PRKN: variants seen among roughly 807,000 people sequenced by gnomAD.
PRKN encodes the protein E3 ubiquitin-protein ligase parkin.
In PRKN, 56 loss-of-function variants were observed where a neutral mutation model predicts 59.5. The ratio of observed to expected loss-of-function variants is 0.94; its 90% CI spans 0.76 to 1.18. The LOEUF is 1.18. Among genes scored for constraint, PRKN ranks in the 50% most tolerant of loss-of-function variants. The probability of loss-of-function intolerance (pLI) is 0.00; values close to 1 mark genes in which losing one functional copy is unlikely to be tolerated. For synonymous variants in PRKN, 250 were observed against 222.1 expected (o/e 1.13, Z -1.12); for missense variants, 657 against 596.4 (o/e 1.10, Z -1.06).
At chr6:161,714,014 T>C (rs1485980666) in intron 7 of PRKN, among the ~76,000 whole-genome samples, 1 of 152,206 alleles carries the variant, frequency 6.6e-6, no homozygotes, top group Non-Finnish European at 1.5e-5. Context: ...CCCAGCCATG[T>C]GGAACTGTCA....
intron 5 of PRKN, among the ~76,000 whole-genome samples, chr6:162,048,480 G>A (rs12211530): frequency 6.6e-6 from 1 of 151,664 alleles, no homozygotes; most frequent in African/African-American, 2.4e-5. Flanking sequence ...TCAGTGTTAC[G>A]AGTTAGGATT....
intron 6 of PRKN, among the ~76,000 whole-genome samples, chr6:161,811,471 G>A (rs1369105326): frequency 6.6e-6 from 1 of 152,152 alleles, no homozygotes; most frequent in African/African-American, 2.4e-5. Context: ...TAGCTCAACG[G>A]GAGAGGGCTG....
chr6:162,390,974 T>C (rs531497644), intron 2 of PRKN, among the ~76,000 whole-genome samples: 10 of 152,328 alleles, frequency 6.6e-5, no homozygotes, highest in Non-Finnish European at 1.3e-4. Context: ...CACAGGCACC[T>C]TCTTTTAATT....
rs1028503439 is a variant in PRKN at position 161,459,227 on chromosome 6, G to C, written c.1084-72350C>G. Among the ~76,000 whole-genome samples the C allele has an allele frequency of 6.6e-6, 1 of 152,166 alleles. No individual in the cohort carries two copies. The highest frequency in any genetic ancestry group is 2.4e-5 in the African/African-American group (1 of 41,444). On this transcript the variant is annotated intron_variant, in intron 9 of 11. Transcript: ENST00000366898. This position sits in a 1 kb window ranked among gnomAD's most constrained non-coding sequence, Gnocchi z 4.8. ...TTACAGTGGAAACCTGATCGAACTT[G>C]ACAGTCAGTGTGTTTGTGGGCTTCT... is the stretch of plus-strand genomic sequence containing the variant.
At chr6:162,677,925 C>T (rs1032197541) in intron 1 of PRKN, among the ~76,000 whole-genome samples, 1 of 152,094 alleles carries the variant, frequency 6.6e-6, no homozygotes, top group Admixed American at 6.6e-5. Context: ...TACATCACCC[C>T]CAGTAGATTC....
At chr6:162,452,134 G>T (rs1292713712) in intron 1 of PRKN, among the ~76,000 whole-genome samples, 1 of 152,122 alleles carries the variant, frequency 6.6e-6, no homozygotes, top group Admixed American at 6.5e-5. Flanking sequence ...TGTCAATGCA[G>T]AAGTTTATAT....
intron 4 of PRKN, among the ~76,000 whole-genome samples, chr6:162,109,406 C>T (rs1012655887): frequency 3.3e-5 from 5 of 152,208 alleles, no homozygotes; most frequent in Admixed American, 2.0e-4. Flanking sequence ...TGACAAAACA[C>T]TGCATGTGCA....
In PRKN at chr6:161,409,851, G is replaced by C. The variant is rs1012742122; in HGVS notation, c.1084-22974C>G. ...CAGCATTCCTCAGATCAATAGAACT[G>C]TGATGTATCTATATAAATCTGAGTA... On this transcript the variant is annotated intron_variant, in intron 9 of 11. Coordinates refer to ENST00000366898, the MANE Select transcript of PRKN (RefSeq NM_004562.3). The surrounding 1 kb of genome is among the most constrained non-coding windows in gnomAD (Gnocchi z 4.6). 6.6e-5 allele frequency among the ~76,000 whole-genome samples: 10 copies of C among 152,148 alleles called. No individual in the cohort carries two copies. The highest frequency in any genetic ancestry group is 2.4e-4 in the African/African-American group (10 of 41,428).
chr6:161,822,152 C>A (rs1792058099), intron 6 of PRKN, among the ~76,000 whole-genome samples: 1 of 151,986 alleles, frequency 6.6e-6, no homozygotes, highest in South Asian at 2.1e-4. Context: ...GCAATAACAC[C>A]CCAATATTTA....
At position 161,525,287 on chromosome 6, in the gene PRKN, A is replaced by C. The variant is rs948970555; in HGVS notation, c.1083+23567T>G. On this transcript the variant is annotated intron_variant, in intron 9 of 11. Transcript: ENST00000366898. This position sits in a 1 kb window ranked among gnomAD's most constrained non-coding sequence, Gnocchi z 4.7. Reference sequence around the variant, plus strand: ...TGCTCTGTAGAGTTGCAAGCCTCAGAAAGTTTAGGAGTGTCACCTGTCCTG... The same window carrying C: ...TGCTCTGTAGAGTTGCAAGCCTCAGCAAGTTTAGGAGTGTCACCTGTCCTG... Among the ~76,000 whole-genome samples, 1 of 152,122 alleles carries C rather than the reference A, an allele frequency of 6.6e-6. No individual in the cohort carries two copies. Among genetic ancestry groups the C allele is most frequent in the African/African-American group, 2.4e-5 (1 of 41,430 alleles).
At chr6:162,497,267 A>C (rs1043725536) in intron 1 of PRKN, among the ~76,000 whole-genome samples, 2 of 152,208 alleles carry the variant, frequency 1.3e-5, no homozygotes, top group African/African-American at 2.4e-5. Context: ...ATATTCAGTG[A>C]ATTTAAACTT....
chr6:162,429,204 T>C (rs1434365982), intron 2 of PRKN, among the ~76,000 whole-genome samples: 1 of 152,130 alleles, frequency 6.6e-6, no homozygotes, highest in Non-Finnish European at 1.5e-5. Flanking sequence ...GGCTGGGGGC[T>C]CCCTGATGCC....
chr6:162,567,235 C>CT (rs1780121086), intron 1 of PRKN, among the ~76,000 whole-genome samples: 1 of 152,122 alleles, frequency 6.6e-6, no homozygotes. Flanking sequence ...GATGTCACCA[C>CT]TGTTATTCAA....
intron 6 of PRKN, among the ~76,000 whole-genome samples, chr6:161,896,731 C>T (rs1400749566): frequency 6.6e-6 from 1 of 152,112 alleles, no homozygotes; most frequent in Admixed American, 6.5e-5. Context: ...GGGGCCTTTT[C>T]CAATATTATA....
At chr6:162,539,052 G>A (rs1015912391) in intron 1 of PRKN, among the ~76,000 whole-genome samples, 1 of 152,168 alleles carries the variant, frequency 6.6e-6, no homozygotes, top group South Asian at 2.1e-4. Context: ...AAGAAGGATC[G>A]CCTTAATTCT....
At position 161,363,766 on chromosome 6, in the gene PRKN, T is replaced by G. The variant is rs2114869333; in HGVS notation, c.1168-3561A>C. Among the ~76,000 whole-genome samples the G allele has an allele frequency of 6.6e-6, 1 of 152,282 alleles. No homozygotes were observed. The highest frequency in any genetic ancestry group is 1.9e-4 in the East Asian group (1 of 5,184). On this transcript the variant is annotated intron_variant, in intron 10 of 11. Transcript: ENST00000366898. The surrounding 1 kb of genome is among the most constrained non-coding windows in gnomAD (Gnocchi z 4.1). ...GCACTGACAGAAAATACCAGCCCAC[T>G]TAGAATTCTATCCAAGCAAAATTAA... is the stretch of plus-strand genomic sequence containing the variant.
chr6:162,577,885 C>T lies in PRKN; in HGVS notation c.8-134412G>A, dbSNP rs144985788. ...TCAAGGTTTCAGTGAGCTGGGATCA[C>T]ACCAGTGCAGTCCAGCCCAGGCAAT... On this transcript the variant is annotated intron_variant, in intron 1 of 11. Coordinates refer to ENST00000366898, the MANE Select transcript of PRKN (RefSeq NM_004562.3). Among the ~76,000 whole-genome samples the T allele has an allele frequency of 5.4e-3, 826 of 152,286 alleles. 9 individuals are homozygous for T. Among genetic ancestry groups the T allele is most frequent in the African/African-American group, 0.019 (790 of 41,580 alleles).
In PRKN at chr6:161,770,452, C is replaced by CTTTATTTATTTATTTATTTA. The variant is rs36204395; in HGVS notation, c.871+15300_871+15319dup. ...ATGTGACTCTATTTGGCAATAGAGC[C>CTTTATTTATTTATTTATTTA]TTTATTTATTTATTTATTTATTTAT... is the stretch of plus-strand genomic sequence containing the variant. On this transcript the variant is annotated intron_variant, in intron 7 of 11. Transcript: ENST00000366898. 4.3e-4 allele frequency among the ~76,000 whole-genome samples: 65 copies of CTTTATTTATTTATTTATTTA among 151,028 alleles called. 1 individual carries two copies. Among genetic ancestry groups the CTTTATTTATTTATTTATTTA allele is most frequent in the African/African-American group, 1.1e-3 (46 of 41,022 alleles).
At chr6:162,216,547 A>C (rs987822009) in intron 3 of PRKN, among the ~76,000 whole-genome samples, 2 of 149,986 alleles carry the variant, frequency 1.3e-5, no homozygotes, top group African/African-American at 2.5e-5. Context: ...AAAAAAAAAA[A>C]AAAAAAAAAA....
Sources: allele counts gnomAD v4.1 joint callset (sites outside exome capture counted in the v4.1 genomes callset), GRCh38; gene constraint gnomAD v4.1.1; non-coding constraint Gnocchi (gnomAD v3.1); transcripts MANE v1.5; gene names NCBI Gene and HGNC (gene_info 2026-07-23, HGNC 2026-07-21).